The following SH3PXD2A variants were observed in gnomAD, a reference collection of about 807,000 sequenced individuals.
The protein encoded by SH3PXD2A is SH3 and PX domains 2A, also known as SH3 and PX domain-containing protein 2A.
SH3PXD2A carries 32 observed loss-of-function variants against 115.2 expected under a neutral mutation model. The observed-to-expected ratio is 0.28, with a 90% CI of 0.21 to 0.37. SH3PXD2A has a LOEUF of 0.37. Among genes scored for constraint, SH3PXD2A ranks in the 10% least tolerant of loss-of-function variants. SH3PXD2A has a pLI of 1.00. For synonymous variants in SH3PXD2A, 610 were observed against 629.1 expected (o/e 0.97, Z 0.45); for missense variants, 1,328 against 1,498.7 (o/e 0.89, Z 1.88).
In SH3PXD2A at chr10:103,774,468, T is replaced by C. The variant is rs371225618; in HGVS notation, c.154-7299A>G. 2.0e-5 allele frequency among the ~76,000 whole-genome samples: 3 copies of C among 152,352 alleles called. No individual in the cohort carries two copies. The East Asian group carries it at 5.8e-4, about 29-fold the overall frequency. ...TAATCATTAAATCCATATTTTCCTTTAGTTATTTAACTGTTTGAAAGTCGT... is the reference window on the plus strand; with the variant it reads ...TAATCATTAAATCCATATTTTCCTTCAGTTATTTAACTGTTTGAAAGTCGT... On this transcript the variant is annotated intron_variant, in intron 2 of 14. Transcript: ENST00000369774.
intron 4 of SH3PXD2A, among the ~76,000 whole-genome samples, chr10:103,730,579 G>T (rs1679062906): frequency 2.0e-5 from 3 of 152,142 alleles, no homozygotes; most frequent in Admixed American, 6.5e-5. Context: ...AAATGTAAAT[G>T]ATGTCTAATT....
chr10:103,739,384 T>C (rs1444665836), intron 3 of SH3PXD2A, among the ~76,000 whole-genome samples: 1 of 152,190 alleles, frequency 6.6e-6, no homozygotes, highest in Non-Finnish European at 1.5e-5. Context: ...GCTTCCCCCT[T>C]TCCCGCTGAA....
At chr10:103,855,144 C>T (rs1842929015) in intron 1 of SH3PXD2A, 51 bp downstream of exon 1, 6 of 1,408,446 alleles carry the variant, frequency 4.3e-6, no homozygotes, top group Non-Finnish European at 5.8e-6. Flanking sequence ...ATCCGGGGCC[C>T]TCCCGGGACC....
intron 1 of SH3PXD2A, among the ~76,000 whole-genome samples, chr10:103,837,416 G>C (rs1040800914): frequency 2.0e-5 from 3 of 152,188 alleles, no homozygotes; most frequent in Admixed American, 6.5e-5. Context: ...CTTGGATCCA[G>C]GCTGATAACT....
At position 103,603,059 on chromosome 10, in the gene SH3PXD2A, G is replaced by A. The variant is rs2036243873; in HGVS notation, c.2159C>T (p.Pro720Leu). 1 of 1,613,682 alleles carries A rather than the reference G, an allele frequency of 6.2e-7. No individual in the cohort carries two copies. The highest frequency in any genetic ancestry group is 1.3e-5 in the African/African-American group (1 of 74,952). The change falls in exon 15 of 15, where the codon CCC (proline) becomes CTC (leucine). Residue 720 changes from proline (P) to leucine (L), a missense_variant. By Grantham distance (98) the Pro-to-Leu change is moderately conservative (BLOSUM62 -3). Transcript: ENST00000369774. ...GATGCCTGCGTCCGAAGCAGAGCGG[G>A]GCTTCAGGTCGCCACTGGTTTTGGA... ...SLSKTSGDLK[P>L]RSASDAGIRG...
At chr10:103,755,433 T>C (rs1030999150) in intron 3 of SH3PXD2A, 8 of 152,178 alleles carry the variant, frequency 5.3e-5, no homozygotes, top group African/African-American at 1.9e-4. Flanking sequence ...GGGATTTCTT[T>C]TAATTTTTAT....
chr10:103,678,622 T>C (rs1290927241), intron 6 of SH3PXD2A, among the ~76,000 whole-genome samples: 1 of 152,156 alleles, frequency 6.6e-6, no homozygotes, highest in South Asian at 2.1e-4. Context: ...TGACCTGGGA[T>C]GTGAAAGGGC....
intron 4 of SH3PXD2A, among the ~76,000 whole-genome samples, chr10:103,733,349 G>A (rs1430163232): frequency 6.6e-6 from 1 of 152,170 alleles, no homozygotes; most frequent in African/African-American, 2.4e-5. Context: ...CATTTCCTTG[G>A]AGCCCAACTG....
Position 103,596,621 on chromosome 10 carries a change from A to G in SH3PXD2A, c.*5195T>C, listed in dbSNP as rs2036135523. ...TTAGTTCAAGTGGGAAGTTACCAAC[A>G]CTTGCATACACAGACACACACACAC... On this transcript the variant is annotated 3_prime_UTR_variant, in exon 15 of 15. Coordinates refer to ENST00000369774, the MANE Select transcript of SH3PXD2A (RefSeq NM_001394015.1). 1 of 144,904 alleles carries G rather than the reference A, an allele frequency of 6.9e-6. No homozygotes were observed. The highest frequency in any genetic ancestry group is 1.5e-5 in the Non-Finnish European group (1 of 66,444). The allele number at this position is 144,904 out of a possible 1,614,324, so 9.0% of individuals were successfully genotyped here.
chr10:103,709,148 C>T (rs1437432583), intron 5 of SH3PXD2A, among the ~76,000 whole-genome samples: 4 of 152,072 alleles, frequency 2.6e-5, no homozygotes, highest in Middle Eastern at 3.2e-3. Context: ...CAGGCTCCTA[C>T]TGGGATCTTC....
intron 1 of SH3PXD2A, among the ~76,000 whole-genome samples, chr10:103,805,561 C>G (rs1393133960): frequency 6.6e-6 from 1 of 152,234 alleles, no homozygotes; most frequent in Admixed American, 6.5e-5. Context: ...AGAGCATCCC[C>G]CCTCGGAAAA....
chr10:103,688,990 T>C (rs1398481149), intron 6 of SH3PXD2A, among the ~76,000 whole-genome samples: 2 of 152,110 alleles, frequency 1.3e-5, no homozygotes, highest in Non-Finnish European at 1.5e-5. Context: ...CCTTAGCCAC[T>C]TGAGTAGCTG....
At chr10:103,652,458 G>C (rs969489197) in intron 8 of SH3PXD2A, among the ~76,000 whole-genome samples, 1 of 152,210 alleles carries the variant, frequency 6.6e-6, no homozygotes, top group African/African-American at 2.4e-5. Context: ...AAGATGCTGA[G>C]AGGGATGAGG....
chr10:103,735,295 G>A (rs2038367289), intron 4 of SH3PXD2A, among the ~76,000 whole-genome samples: 1 of 152,196 alleles, frequency 6.6e-6, no homozygotes, highest in Non-Finnish European at 1.5e-5. Context: ...CAAGATTTAG[G>A]TGAATAAACA....
chr10:103,738,857 T>C (rs1384607751), intron 3 of SH3PXD2A, among the ~76,000 whole-genome samples: 1 of 151,858 alleles, frequency 6.6e-6, no homozygotes, highest in Non-Finnish European at 1.5e-5. Context: ...TGCAATGGCA[T>C]GATCTCAGCT....
At chr10:103,636,768 C>T (rs1317200569) in intron 8 of SH3PXD2A, among the ~76,000 whole-genome samples, 2 of 152,122 alleles carry the variant, frequency 1.3e-5, no homozygotes, top group African/African-American at 2.4e-5. Context: ...GGAGACCCCC[C>T]ACTCCTTCCT....
chr10:103,666,957 G>A lies in SH3PXD2A; in HGVS notation c.472+1651C>T, dbSNP rs922933902. ...CCAGACCCTACCTTCAGCAGGTAAC[G>A]GGTACTTGCCAGCTGGATTGAGAGG... On this transcript the variant is annotated intron_variant, in intron 7 of 14. Coordinates refer to ENST00000369774, the MANE Select transcript of SH3PXD2A (RefSeq NM_001394015.1). The surrounding 1 kb of genome is among the most constrained non-coding windows in gnomAD (Gnocchi z 4.5). Among the ~76,000 whole-genome samples, 1 of 152,160 alleles carries A rather than the reference G, an allele frequency of 6.6e-6. No homozygotes were observed. Among genetic ancestry groups the A allele is most frequent in the African/African-American group, 2.4e-5 (1 of 41,444 alleles).
intron 2 of SH3PXD2A, among the ~76,000 whole-genome samples, chr10:103,786,956 C>T (rs917082788): frequency 3.9e-5 from 6 of 152,202 alleles, no homozygotes; most frequent in African/African-American, 9.6e-5. Context: ...GTGAGAGAAG[C>T]CCTTGGCCGC....
chr10:103,763,829 T>TG (rs540188998), intron 3 of SH3PXD2A, among the ~76,000 whole-genome samples: 154 of 152,266 alleles, frequency 1.0e-3, no homozygotes, highest in African/African-American at 3.4e-3. Context: ...ATGACTGATG[T>TG]GGGGGGGCTA....
Sources: allele counts gnomAD v4.1 joint callset (sites outside exome capture counted in the v4.1 genomes callset), GRCh38; gene constraint gnomAD v4.1.1; non-coding constraint Gnocchi (gnomAD v3.1); transcripts MANE v1.5; gene names NCBI Gene and HGNC (gene_info 2026-07-23, HGNC 2026-07-21).